The following CADM2 variants were observed in gnomAD, a reference collection of about 807,000 sequenced individuals.
The protein encoded by CADM2 is cell adhesion molecule 2.
Under a neutral mutation model 49.8 loss-of-function variants are expected in CADM2, and 12 were observed. The ratio of observed to expected loss-of-function variants is 0.24; its 90% CI spans 0.15 to 0.39. The LOEUF (loss-of-function observed/expected upper bound fraction) is 0.39, where lower values mean the gene tolerates loss of function less well. CADM2 is among the 10% of genes least tolerant of loss of function. CADM2 has a pLI of 1.00. For synonymous variants in CADM2, 214 were observed against 175.4 expected (o/e 1.22, Z -1.74); for missense variants, 378 against 492.3 (o/e 0.77, Z 2.20).
intron 1 of CADM2, among the ~76,000 whole-genome samples, chr3:85,288,611 A>G (rs568164036): frequency 6.6e-6 from 1 of 152,160 alleles, no homozygotes; most frequent in Non-Finnish European, 1.5e-5. Context: ...AAATAATTGC[A>G]TGGTAGGAAA....
intron 1 of CADM2, among the ~76,000 whole-genome samples, chr3:85,408,107 C>T (rs901133793): frequency 6.9e-6 from 1 of 145,264 alleles, no homozygotes; most frequent in Non-Finnish European, 1.5e-5. Context: ...AAGTGTGAAA[C>T]TGAAATATTG....
chr3:85,123,788 G>A (rs2038941006), intron 1 of CADM2, among the ~76,000 whole-genome samples: 1 of 151,876 alleles, frequency 6.6e-6, no homozygotes, highest in Non-Finnish European at 1.5e-5. Context: ...TTCTTATAAG[G>A]TTACTCAAAG....
intron 1 of CADM2, among the ~76,000 whole-genome samples, chr3:85,691,848 C>G (rs1381861959): frequency 1.3e-5 from 2 of 152,036 alleles, no homozygotes; most frequent in Non-Finnish European, 2.9e-5. Flanking sequence ...AGCTGGAAAC[C>G]ATCATTCTCA....
At chr3:85,593,393 A>G (rs1457714853) in intron 1 of CADM2, among the ~76,000 whole-genome samples, 12 of 152,012 alleles carry the variant, frequency 7.9e-5, no homozygotes, top group African/African-American at 2.9e-4. Context: ...AAAATTCTAG[A>G]GCCTCAATTT....
intron 2 of CADM2, among the ~76,000 whole-genome samples, chr3:85,754,449 T>C (rs2069007949): frequency 1.3e-5 from 2 of 152,170 alleles, no homozygotes; most frequent in African/African-American, 4.8e-5. Context: ...GATTTTTAAA[T>C]CACTATCTCA....
intron 1 of CADM2, among the ~76,000 whole-genome samples, chr3:85,349,478 G>A (rs770471288): frequency 2.0e-5 from 3 of 151,962 alleles, no homozygotes; most frequent in Non-Finnish European, 4.4e-5. Context: ...TTTTACTTTT[G>A]ATCCCCACTT....
At chr3:85,090,610 T>C (rs939938386) in intron 1 of CADM2, among the ~76,000 whole-genome samples, 3 of 152,186 alleles carry the variant, frequency 2.0e-5, no homozygotes, top group Non-Finnish European at 4.4e-5. Flanking sequence ...TAACATTTGA[T>C]CTGAGAGTGC....
In CADM2 at chr3:86,008,701, G is replaced by A. The variant is rs1018817889; in HGVS notation, c.970+47054G>A. Among the ~76,000 whole-genome samples the A allele has an allele frequency of 4.6e-5, 7 of 152,038 alleles. No individual in the cohort carries two copies. The South Asian group carries it at 1.0e-3, about 23-fold the overall frequency. On this transcript the variant is annotated intron_variant, in intron 8 of 9. Transcript: ENST00000383699. The stretch of plus-strand genomic sequence containing the variant: ...TAAAAGGCAAAATGAACTATTGAAT[G>A]CTTTTTTCTAGTTCAAAAACTATTT...
At chr3:85,139,768 A>G (rs754657123) in intron 1 of CADM2, among the ~76,000 whole-genome samples, 3 of 152,144 alleles carry the variant, frequency 2.0e-5, no homozygotes, top group Non-Finnish European at 2.9e-5. Context: ...GGATTTGGCA[A>G]TTTTAATATA....
chr3:85,718,114 C>T (rs543814719), intron 1 of CADM2, among the ~76,000 whole-genome samples: 2 of 152,076 alleles, frequency 1.3e-5, no homozygotes, highest in South Asian at 4.2e-4. Flanking sequence ...TTTCTTACAC[C>T]TAATAGTGTT....
chr3:85,212,830 C>CTTTCTTTCT (rs1559723619), intron 1 of CADM2, among the ~76,000 whole-genome samples: 1 of 99,768 alleles, frequency 1.0e-5, no homozygotes, highest in East Asian at 2.5e-4. Context: ...TTCTTTCTTT[C>CTTTCTTTCT]TTTCTTTCTT....
At chr3:85,357,028 T>C (rs1290134742) in intron 1 of CADM2, among the ~76,000 whole-genome samples, 1 of 152,140 alleles carries the variant, frequency 6.6e-6, no homozygotes, top group East Asian at 1.9e-4. Flanking sequence ...GAAGAATTTT[T>C]ATTTTTAATT....
intron 1 of CADM2, among the ~76,000 whole-genome samples, chr3:85,134,539 A>T (rs1166499998): frequency 6.6e-6 from 1 of 152,250 alleles, no homozygotes; most frequent in Non-Finnish European, 1.5e-5. Flanking sequence ...CAGTTTTTGT[A>T]ATTTTAGCAG....
chr3:85,568,287 C>A (rs907855333), intron 1 of CADM2, among the ~76,000 whole-genome samples: 1 of 152,226 alleles, frequency 6.6e-6, no homozygotes, highest in Non-Finnish European at 1.5e-5. Context: ...AGAAAGAAAT[C>A]TTACACAGTT....
At chr3:85,805,107 A>AT (rs1343251959) in intron 3 of CADM2, among the ~76,000 whole-genome samples, 7 of 151,700 alleles carry the variant, frequency 4.6e-5, no homozygotes, top group East Asian at 3.9e-4. Context: ...TGCCCAGCTA[A>AT]TTTTTTTTGT....
In CADM2 at chr3:85,532,388, T is replaced by A. The variant is rs759973629; in HGVS notation, c.62-194134T>A. On this transcript the variant is annotated intron_variant, in intron 1 of 9. Transcript: ENST00000383699. ...TCTGTCCCCTGGAGCAAATTTTTTT[T>A]ATCTTTTGTTCTTTCTTTAAATTTT... 5.0e-4 allele frequency among the ~76,000 whole-genome samples: 76 copies of A among 152,318 alleles called. No homozygotes were observed. In the Middle Eastern group the frequency reaches 0.024, roughly 48 times the overall value.
chr3:85,769,572 T>TAC (rs1559644675), intron 2 of CADM2, among the ~76,000 whole-genome samples: 1 of 110,702 alleles, frequency 9.0e-6, no homozygotes, highest in East Asian at 2.5e-4. Context: ...TACACGTATA[T>TAC]ACATATATAC....
At chr3:85,459,822 A>AT (rs1315096391) in intron 1 of CADM2, among the ~76,000 whole-genome samples, 1 of 152,236 alleles carries the variant, frequency 6.6e-6, no homozygotes, top group Non-Finnish European at 1.5e-5. Context: ...TGTGGATGCC[A>AT]TTCACACATA....
chr3:86,038,332 T>C (rs1295073700), intron 8 of CADM2, among the ~76,000 whole-genome samples: 1 of 152,198 alleles, frequency 6.6e-6, no homozygotes, highest in Non-Finnish European at 1.5e-5. Flanking sequence ...CTCTTAGAAG[T>C]TATTGGAGAG....
Sources: gnomAD v4.1 joint callset for allele counts (sites outside exome capture counted in the v4.1 genomes callset) on GRCh38, gnomAD v4.1.1 for gene constraint, MANE v1.5 for transcripts, NCBI Gene and HGNC (gene_info 2026-07-23, HGNC 2026-07-21) for gene names.